The following LPP variants were observed in gnomAD, a reference collection of about 807,000 sequenced individuals.
LPP encodes lipoma-preferred partner.
LPP carries 38 observed loss-of-function variants against 60.4 expected under a neutral mutation model. That is an observed-to-expected ratio of 0.63 (90% CI 0.49 to 0.83). The LOEUF (loss-of-function observed/expected upper bound fraction) is 0.83, where lower values mean the gene tolerates loss of function less well. Ranked by LOEUF, LPP falls within the 40% of genes least tolerant of loss-of-function variation. The pLI is 0.00. For missense variants in LPP, 902 were observed against 783.6 expected (o/e 1.15, Z -1.80); for synonymous variants, 328 against 290.8 (o/e 1.13, Z -1.30).
rs1468466374 is a variant in LPP at position 188,610,891 on chromosome 3, T to G, written c.1113+1047T>G. 2.6e-5 allele frequency among the ~76,000 whole-genome samples: 4 copies of G among 152,132 alleles called. No homozygotes were observed. Among genetic ancestry groups the G allele is most frequent in the Non-Finnish European group, 5.9e-5 (4 of 68,028 alleles). On this transcript the variant is annotated intron_variant, in intron 7 of 11. Coordinates refer to ENST00000617246, the MANE Select transcript of LPP (RefSeq NM_001375462.1). The surrounding 1 kb of genome is among the most constrained non-coding windows in gnomAD (Gnocchi z 4.4). ...GTTAGAACTGTGAGAAATCAGAAAT[T>G]TGAGAGCCCTCAATTAGCTAGAAGT... is the stretch of plus-strand genomic sequence containing the variant.
At chr3:188,358,074 G>T (rs1455106034) in intron 3 of LPP, among the ~76,000 whole-genome samples, 1 of 152,168 alleles carries the variant, frequency 6.6e-6, no homozygotes, top group African/African-American at 2.4e-5. Context: ...TCTGGGACTT[G>T]TACTAAATGC....
intron 6 of LPP, among the ~76,000 whole-genome samples, chr3:188,597,320 T>A (rs946183198): frequency 6.6e-6 from 1 of 152,204 alleles, no homozygotes; most frequent in Non-Finnish European, 1.5e-5. Context: ...CCCAAATAGC[T>A]CTTTTTCGAC....
chr3:188,402,254 A>AG (rs1035455208), intron 3 of LPP, among the ~76,000 whole-genome samples: 1 of 152,104 alleles, frequency 6.6e-6, no homozygotes, highest in Non-Finnish European at 1.5e-5. Flanking sequence ...TAAAACAAGC[A>AG]GAAAAAAATG....
chr3:188,548,082 G>T (rs986545418), intron 6 of LPP, among the ~76,000 whole-genome samples: 4 of 152,154 alleles, frequency 2.6e-5, no homozygotes, highest in African/African-American at 9.7e-5. Flanking sequence ...TTCTCCTTCT[G>T]ATCCTAGCGT....
intron 8 of LPP, among the ~76,000 whole-genome samples, chr3:188,755,084 G>A (rs978008944): frequency 6.6e-6 from 1 of 152,082 alleles, no homozygotes; most frequent in Non-Finnish European, 1.5e-5. Flanking sequence ...AGAATATATC[G>A]AAGAATGTGC....
chr3:188,506,591 G>T (rs1029702709), intron 5 of LPP, among the ~76,000 whole-genome samples: 1 of 152,116 alleles, frequency 6.6e-6, no homozygotes, highest in African/African-American at 2.4e-5. Flanking sequence ...GCCCTTTCTT[G>T]TGATGAGGAA....
At chr3:188,542,902 T>C (rs1373274272) in intron 6 of LPP, among the ~76,000 whole-genome samples, 2 of 152,170 alleles carry the variant, frequency 1.3e-5, no homozygotes, top group Non-Finnish European at 2.9e-5. Context: ...ACTCTCAATG[T>C]CTGTGTTCTC....
At chr3:188,491,593 C>T (rs756691384) in intron 5 of LPP, among the ~76,000 whole-genome samples, 1 of 152,164 alleles carries the variant, frequency 6.6e-6, no homozygotes, top group African/African-American at 2.4e-5. Context: ...ATAGCAGCAG[C>T]AGCTTGCTTT....
At chr3:188,612,457 C>T (rs1006609538) in intron 7 of LPP, among the ~76,000 whole-genome samples, 5 of 152,096 alleles carry the variant, frequency 3.3e-5, no homozygotes, top group Admixed American at 6.5e-5. Context: ...AAATGAGCTC[C>T]GAATTCTTAT....
At chr3:188,525,612 GT>G (rs1820378714) in intron 6 of LPP, among the ~76,000 whole-genome samples, 1 of 152,148 alleles carries the variant, frequency 6.6e-6, no homozygotes, top group South Asian at 2.1e-4. Context: ...TTTTGTCATG[GT>G]TTTAAATAAT....
At chr3:188,214,445 G>A (rs1712685543) in intron 1 of LPP, among the ~76,000 whole-genome samples, 1 of 152,150 alleles carries the variant, frequency 6.6e-6, no homozygotes. Context: ...ATCAACTTGA[G>A]GGCCTTATTT....
chr3:188,462,343 C>T (rs1439542639), intron 4 of LPP, among the ~76,000 whole-genome samples: 2 of 151,170 alleles, frequency 1.3e-5, no homozygotes, highest in Non-Finnish European at 2.9e-5. Context: ...TTGGAGTTTA[C>T]TCAAAATATG....
chr3:188,448,242 C>T (rs896967839), intron 4 of LPP, among the ~76,000 whole-genome samples: 3 of 152,038 alleles, frequency 2.0e-5, no homozygotes, highest in Non-Finnish European at 2.9e-5. Flanking sequence ...GGTTTGGGAA[C>T]GTGGACAAAC....
At chr3:188,803,062 T>G (rs888415566) in intron 9 of LPP, among the ~76,000 whole-genome samples, 1 of 148,038 alleles carries the variant, frequency 6.8e-6, no homozygotes, top group Non-Finnish European at 1.5e-5. Flanking sequence ...TTTTTTTTTT[T>G]GAGACAGGGT....
intron 4 of LPP, among the ~76,000 whole-genome samples, chr3:188,444,176 A>T (rs922623933): frequency 2.0e-5 from 3 of 152,100 alleles, no homozygotes; most frequent in African/African-American, 4.8e-5. Flanking sequence ...AATACTTTAA[A>T]CTACAAGGAT....
chr3:188,297,220 T>A (rs1748216145), intron 2 of LPP, among the ~76,000 whole-genome samples: 1 of 152,124 alleles, frequency 6.6e-6, no homozygotes, highest in African/African-American at 2.4e-5. Context: ...AGTCAACAAA[T>A]CTTGTGTAAC....
intron 6 of LPP, among the ~76,000 whole-genome samples, chr3:188,542,915 T>C (rs1426260): frequency 0.52 from 79,039 of 151,930 alleles, 21,087 homozygotes; most frequent in East Asian, 0.92. Context: ...GTGTTCTCAG[T>C]GTTAAAAGGA....
At chr3:188,742,032 A>G (rs1464761022) in intron 8 of LPP, among the ~76,000 whole-genome samples, 1 of 152,114 alleles carries the variant, frequency 6.6e-6, no homozygotes, top group Non-Finnish European at 1.5e-5. Flanking sequence ...AAATACACAA[A>G]TAACCAATAA....
intron 9 of LPP, among the ~76,000 whole-genome samples, chr3:188,840,477 T>C (rs1759663100): frequency 6.6e-6 from 1 of 152,174 alleles, no homozygotes; most frequent in South Asian, 2.1e-4. Context: ...CCATATTGTT[T>C]AGCTCTGTCA....
Sources: allele counts gnomAD v4.1 joint callset (sites outside exome capture counted in the v4.1 genomes callset), GRCh38; gene constraint gnomAD v4.1.1; non-coding constraint Gnocchi (gnomAD v3.1); transcripts MANE v1.5; gene names NCBI Gene and HGNC (gene_info 2026-07-23, HGNC 2026-07-21).